Variants in SEMA3C observed in about 807,000 individuals in gnomAD.
SEMA3C encodes the protein semaphorin-3C.
Under a neutral mutation model 89.4 loss-of-function variants are expected in SEMA3C, and 47 were observed. That is an observed-to-expected ratio of 0.53 (90% confidence interval 0.42 to 0.67). The LOEUF is 0.67. SEMA3C is among the 30% of genes least tolerant of loss of function. The probability of loss-of-function intolerance (pLI) is 0.00; values close to 1 mark genes in which losing one functional copy is unlikely to be tolerated. For missense variants in SEMA3C, 839 were observed against 929.1 expected, an observed-to-expected ratio of 0.90 and a Z score of 1.26; for synonymous variants, 310 against 320.2, an observed-to-expected ratio of 0.97 and a Z score of 0.34.
chr7:80,774,346 A>G (rs1788499316), intron 12 of SEMA3C, among the ~76,000 whole-genome samples: 1 of 152,222 alleles, frequency 6.6e-6, no homozygotes, highest in African/African-American at 2.4e-5. Flanking sequence ...CCAAGAGTCA[A>G]GAAGAACAAA....
At chr7:80,858,544 A>G (rs2115975586) in intron 2 of SEMA3C, among the ~76,000 whole-genome samples, 1 of 152,322 alleles carries the variant, frequency 6.6e-6, no homozygotes, top group East Asian at 1.9e-4. Flanking sequence ...AGACATTTTG[A>G]GGAGGAATTC....
chr7:80,868,894 A>C (rs1232782243), intron 2 of SEMA3C, among the ~76,000 whole-genome samples: 1 of 152,218 alleles, frequency 6.6e-6, no homozygotes, highest in Non-Finnish European at 1.5e-5. Context: ...GGACTTGCCC[A>C]CATTAAATGC....
At chr7:80,904,873 T>C (rs899883397) in intron 2 of SEMA3C, among the ~76,000 whole-genome samples, 4 of 152,122 alleles carry the variant, frequency 2.6e-5, no homozygotes, top group African/African-American at 9.7e-5. Flanking sequence ...CAGCCAAGGT[T>C]GAGAATCACT....
At chr7:80,762,994 T>C (rs1006875255) in intron 13 of SEMA3C, among the ~76,000 whole-genome samples, 1 of 152,190 alleles carries the variant, frequency 6.6e-6, no homozygotes, top group East Asian at 1.9e-4. Context: ...AATTCTCCAT[T>C]GTGACAATTT....
intron 5 of SEMA3C, among the ~76,000 whole-genome samples, chr7:80,817,305 A>G (rs917022537): frequency 2.0e-5 from 3 of 152,136 alleles, no homozygotes; most frequent in African/African-American, 4.8e-5. Context: ...AAATAGATTA[A>G]TCCTTGTTAA....
intron 2 of SEMA3C, among the ~76,000 whole-genome samples, chr7:80,854,531 T>C (rs986480921): frequency 6.6e-6 from 1 of 152,202 alleles, no homozygotes; most frequent in African/African-American, 2.4e-5. Context: ...AGATCCTGGG[T>C]GAGACCAAGG....
rs186787399 is a variant in SEMA3C, at chr7:80,872,525, C to T, written c.104-43780G>A. Among the ~76,000 whole-genome samples the T allele has an allele frequency of 1.9e-3, 290 of 151,712 alleles. 1 individual carries two copies. The highest frequency in any genetic ancestry group is 3.4e-3 in the Middle Eastern group (1 of 294). The stretch of plus-strand genomic sequence containing the variant: ...AATAGAAGATTGCTGAATTCTCGGC[C>T]GGGCGTGGTGGCTTACGCCTGTAAT... On this transcript the variant is annotated intron_variant, in intron 2 of 17. Transcript: ENST00000265361.
rs1790787182 is a variant in SEMA3C at position 80,862,152 on chromosome 7, T to C, written c.104-33407A>G. On this transcript the variant is annotated intron_variant, in intron 2 of 17. Transcript: ENST00000265361. ...CAAATAGGTAAAGAGGAAGTCATAC[T>C]GTCACTGTTTGCTGATGATAGGACC... Among the ~76,000 whole-genome samples, 3 of 152,290 alleles carry C rather than the reference T, an allele frequency of 2.0e-5. No homozygotes were observed. In the South Asian group the frequency reaches 6.2e-4, roughly 32 times the overall value.
At chr7:80,908,277 A>T (rs1328169542) in intron 2 of SEMA3C, among the ~76,000 whole-genome samples, 2 of 152,174 alleles carry the variant, frequency 1.3e-5, no homozygotes, top group Non-Finnish European at 1.5e-5. Context: ...CTGTCTTAAA[A>T]TCTTCAGACC....
chr7:80,762,092 T>TAAA (rs547180420), intron 13 of SEMA3C, among the ~76,000 whole-genome samples: 302 of 75,608 alleles, frequency 4.0e-3, no homozygotes, highest in African/African-American at 5.2e-3. Flanking sequence ...TCCGTCTCAA[T>TAAA]AAAAAAAAAA....
upstream of SEMA3C, chr7:80,919,292 C>T (rs1055021316): frequency 6.1e-6 from 6 of 984,062 alleles, no homozygotes; most frequent in South Asian, 1.4e-4. Flanking sequence ...TGGCCAGACG[C>T]AAGAATGCGC....
At chr7:80,811,868 G>A (rs986280404) in intron 5 of SEMA3C, among the ~76,000 whole-genome samples, 1 of 152,130 alleles carries the variant, frequency 6.6e-6, no homozygotes, top group Non-Finnish European at 1.5e-5. Flanking sequence ...CAGCAGAGAT[G>A]TAAGAAAATT....
At position 80,908,644 on chromosome 7, in the gene SEMA3C, C is replaced by T. The variant is rs533378317; in HGVS notation, c.103+8035G>A. On this transcript the variant is annotated intron_variant, in intron 2 of 17. Coordinates refer to ENST00000265361, the MANE Select transcript of SEMA3C (RefSeq NM_006379.5). ...GCCCCATTGACTCCCTTTACATCCC[C>T]GTTATCTGTGCTAGGGATGGATTAC... Among the ~76,000 whole-genome samples the T allele has an allele frequency of 2.6e-5, 4 of 152,100 alleles. No individual in the cohort carries two copies. In the South Asian group the frequency reaches 6.2e-4, roughly 24 times the overall value.
Position 80,901,412 on chromosome 7 carries a change from T to C in SEMA3C, c.103+15267A>G, listed in dbSNP as rs1451861533. 3.9e-5 allele frequency among the ~76,000 whole-genome samples: 6 copies of C among 152,032 alleles called. No individual in the cohort carries two copies. The East Asian group carries it at 5.8e-4, about 15-fold the overall frequency. On this transcript the variant is annotated intron_variant, in intron 2 of 17. Coordinates refer to ENST00000265361, the MANE Select transcript of SEMA3C (RefSeq NM_006379.5). ...AACTCACATTTTGACACACAGAGAG[T>C]TGTAGTCTTACAGTTTCCTAAATCA...
At chr7:80,746,718 G>GGGGGGTGTGT (rs149678378) in intron 17 of SEMA3C, among the ~76,000 whole-genome samples, 16 of 142,930 alleles carry the variant, frequency 1.1e-4, no homozygotes, top group African/African-American at 4.1e-4. Context: ...ATTGAAGTGG[G>GGGGGGTGTGT]GTGTGTGTGT....
rs538745015 is a variant in SEMA3C, at chr7:80,856,792, C to G, written c.104-28047G>C. On this transcript the variant is annotated intron_variant, in intron 2 of 17. Transcript: ENST00000265361. Reference sequence around the variant, plus strand: ...AGGCTGAAAAGAAACTGGACCTAATCTTAAATCTGGGCCTAAAGGTCCTGA... The same window carrying G: ...AGGCTGAAAAGAAACTGGACCTAATGTTAAATCTGGGCCTAAAGGTCCTGA... Among the ~76,000 whole-genome samples the G allele has an allele frequency of 5.9e-5, 9 of 152,240 alleles. 1 individual carries two copies. In the South Asian group the frequency reaches 1.2e-3, roughly 21 times the overall value.
At chr7:80,874,738 G>T (rs1484050863) in intron 2 of SEMA3C, among the ~76,000 whole-genome samples, 1 of 151,954 alleles carries the variant, frequency 6.6e-6, no homozygotes, top group African/African-American at 2.4e-5. Context: ...AAAGTGCAGG[G>T]ATTACAGGCA....
In SEMA3C at chr7:80,822,842, T is replaced by C. The variant is rs979630754; in HGVS notation, c.328-4424A>G. Among the ~76,000 whole-genome samples, 3 of 152,214 alleles carry C rather than the reference T, an allele frequency of 2.0e-5. No homozygotes were observed. In the South Asian group the frequency reaches 6.2e-4, roughly 32 times the overall value. On this transcript the variant is annotated intron_variant, in intron 4 of 17. Transcript: ENST00000265361. ...GATTTGTTTTATTTGCATTTTAAAA[T>C]TGACATTGTCTCTAAACCCGGTGAA...
intron 2 of SEMA3C, among the ~76,000 whole-genome samples, chr7:80,890,390 A>C (rs1020084861): frequency 1.3e-5 from 2 of 152,202 alleles, no homozygotes; most frequent in Admixed American, 6.5e-5. Context: ...CTAATGTCTA[A>C]GTTAAAAGTG....
Sources: allele counts gnomAD v4.1 joint callset (sites outside exome capture counted in the v4.1 genomes callset), GRCh38; gene constraint gnomAD v4.1.1; transcripts MANE v1.5; gene names NCBI Gene and HGNC (gene_info 2026-07-23, HGNC 2026-07-21).